STAMBPL1: variants seen among roughly 807,000 people sequenced by gnomAD.
STAMBPL1 encodes the protein AMSH-like protease.
STAMBPL1 carries 44 observed loss-of-function variants against 52.9 expected under a neutral mutation model. That is an observed-to-expected ratio of 0.83 (90% CI 0.65 to 1.07). STAMBPL1 has a LOEUF of 1.07. Ranked by LOEUF, STAMBPL1 falls within the 50% of genes least tolerant of loss-of-function variation. The pLI, the probability that STAMBPL1 is intolerant of heterozygous loss-of-function variation, is 0.00. For missense variants in STAMBPL1, 511 were observed against 520.8 expected, an observed-to-expected ratio of 0.98 and a Z score of 0.18; for synonymous variants, 164 against 177.3, an observed-to-expected ratio of 0.92 and a Z score of 0.60.
chr10:88,917,464 G>T (rs921164975), intron 8 of STAMBPL1, among the ~76,000 whole-genome samples: 8 of 152,018 alleles, frequency 5.3e-5, no homozygotes, highest in African/African-American at 1.9e-4. Flanking sequence ...TCTTGGCTCT[G>T]GTAAGAATTC....
At position 88,888,489 on chromosome 10, in the gene STAMBPL1, A is replaced by G. The variant is rs145639162; in HGVS notation, c.-54+7851A>G. Among the ~76,000 whole-genome samples the G allele has an allele frequency of 1.7e-3, 262 of 152,282 alleles. 1 individual carries two copies. Among genetic ancestry groups the G allele is most frequent in the African/African-American group, 6.0e-3 (250 of 41,552 alleles). On this transcript the variant is annotated intron_variant, in intron 1 of 10. Coordinates refer to ENST00000371926, the MANE Select transcript of STAMBPL1 (RefSeq NM_020799.4). Reference sequence around the variant, plus strand: ...TGGGGCCCAGAATTTGGCTGGACTGACTTTCAAGGGTTTATGCAGTAGGGT... The same window carrying G: ...TGGGGCCCAGAATTTGGCTGGACTGGCTTTCAAGGGTTTATGCAGTAGGGT...
intron 1 of STAMBPL1, among the ~76,000 whole-genome samples, chr10:88,886,320 A>G (rs773912882): frequency 6.6e-6 from 1 of 152,292 alleles, no homozygotes; most frequent in South Asian, 2.1e-4. Flanking sequence ...CCAGCATGCA[A>G]GTATAAAACA....
At chr10:88,903,715 A>T (rs1589365797) in intron 2 of STAMBPL1, among the ~76,000 whole-genome samples, 1 of 152,184 alleles carries the variant, frequency 6.6e-6, no homozygotes, top group Non-Finnish European at 1.5e-5. Context: ...AAGTGGATGG[A>T]TTGCTGTAGC....
At chr10:88,906,746 G>T (rs777161258) in intron 3 of STAMBPL1, among the ~76,000 whole-genome samples, 4 of 152,062 alleles carry the variant, frequency 2.6e-5, no homozygotes, top group Non-Finnish European at 5.9e-5. Flanking sequence ...GGGACTACAG[G>T]CATGTGTCAC....
chr10:88,910,316 G>A (rs1287934292), intron 4 of STAMBPL1, among the ~76,000 whole-genome samples: 1 of 152,096 alleles, frequency 6.6e-6, no homozygotes, highest in African/African-American at 2.4e-5. Flanking sequence ...AAAAAGAAGA[G>A]GTAGTTGGAC....
chr10:88,902,076 A>G (rs1203271303), intron 2 of STAMBPL1, among the ~76,000 whole-genome samples: 2 of 152,190 alleles, frequency 1.3e-5, no homozygotes, highest in Non-Finnish European at 2.9e-5. Flanking sequence ...TTTATGGATA[A>G]GAATTGGAGG....
At chr10:88,886,045 T>C (rs544647081) in intron 1 of STAMBPL1, among the ~76,000 whole-genome samples, 87 of 152,360 alleles carry the variant, frequency 5.7e-4, no homozygotes, top group African/African-American at 2.0e-3. Context: ...ATATGTGTTG[T>C]GTATGTCAAC....
chr10:88,892,756 A>G (rs932774817), intron 1 of STAMBPL1, among the ~76,000 whole-genome samples: 9 of 152,218 alleles, frequency 5.9e-5, no homozygotes, highest in African/African-American at 2.2e-4. Context: ...AGTGGATGAC[A>G]AGTACTTCAG....
intron 1 of STAMBPL1, among the ~76,000 whole-genome samples, chr10:88,884,544 A>G (rs1844482440): frequency 1.3e-5 from 2 of 152,192 alleles, no homozygotes; most frequent in Admixed American, 1.3e-4. Flanking sequence ...ATTGAGATGG[A>G]GAAAAGAAAA....
At position 88,920,767 on chromosome 10, in the gene STAMBPL1, A is replaced by G. The variant is rs141309712; in HGVS notation, c.1042-516A>G. 7.5e-3 allele frequency among the ~76,000 whole-genome samples: 1,147 copies of G among 152,244 alleles called. 15 individuals carry two copies. Among genetic ancestry groups the G allele is most frequent in the South Asian group, 0.042 (204 of 4,818 alleles). ...ATTCTCCCATTTATAGGAAATGACAATCCACAAAAGGATACACAGCAGCAT... is the reference window on the plus strand; with the variant it reads ...ATTCTCCCATTTATAGGAAATGACAGTCCACAAAAGGATACACAGCAGCAT... On this transcript the variant is annotated intron_variant, in intron 8 of 10. Coordinates refer to ENST00000371926, the MANE Select transcript of STAMBPL1 (RefSeq NM_020799.4).
At chr10:88,885,561 C>T (rs186514287) in intron 1 of STAMBPL1, among the ~76,000 whole-genome samples, 65 of 152,216 alleles carry the variant, frequency 4.3e-4, no homozygotes, top group Middle Eastern at 3.4e-3. Context: ...CTGGGGCAAG[C>T]TTTAGTATTC....
chr10:88,918,997 A>C (rs1845439600), intron 8 of STAMBPL1, among the ~76,000 whole-genome samples: 1 of 152,206 alleles, frequency 6.6e-6, no homozygotes, highest in African/African-American at 2.4e-5. Flanking sequence ...AAATACAAAA[A>C]TGTTACATTT....
intron 1 of STAMBPL1, among the ~76,000 whole-genome samples, chr10:88,896,099 G>A (rs56268252): frequency 0.095 from 14,446 of 152,092 alleles, 921 homozygotes; most frequent in Non-Finnish European, 0.15. Flanking sequence ...TACAAATATA[G>A]GGAAAAAATC....
Position 88,910,838 on chromosome 10 carries a change from G to T in STAMBPL1, c.325-78G>T, listed in dbSNP as rs572533424. The T allele has an allele frequency of 3.0e-3, 3,109 of 1,031,836 alleles. 8 individuals carry two copies. The highest frequency in any genetic ancestry group is 3.7e-3 in the Non-Finnish European group (2,669 of 716,528). 63.9% of individuals were successfully genotyped at this position (1,031,836 alleles called of 1,614,324 possible). ...TTTATTTGCAGTATACCTACCAGCT[G>T]TTTTTCTTTCTCACCTGATGATCTG... On this transcript the variant is annotated intron_variant, in intron 4 of 10. Transcript: ENST00000371926.
Position 88,905,666 on chromosome 10 carries a change from T to G in STAMBPL1, c.248+6T>G, listed in dbSNP as rs777074490. 1.9e-6 allele frequency: 3 copies of G among 1,607,754 alleles called. No homozygotes were observed. Among genetic ancestry groups the G allele is most frequent in the Non-Finnish European group, 2.6e-6 (3 of 1,174,844 alleles). On this transcript the variant is annotated splice_donor_region_variant and intron_variant, in intron 3 of 10. Coordinates refer to ENST00000371926, the MANE Select transcript of STAMBPL1 (RefSeq NM_020799.4). ...CTTTATAATAAATTTATAACGTAAG[T>G]GTTTTAAAGGCCTCTGAAGTGAGAA...
intron 5 of STAMBPL1, chr10:88,912,311 A>C (rs959915910): frequency 1.3e-5 from 2 of 152,170 alleles, no homozygotes; most frequent in Admixed American, 1.3e-4. Context: ...GTAGCTCCCA[A>C]ATCTAGTTTC....
At chr10:88,891,412 G>A (rs1020789571) in intron 1 of STAMBPL1, among the ~76,000 whole-genome samples, 1 of 151,972 alleles carries the variant, frequency 6.6e-6, no homozygotes, top group African/African-American at 2.4e-5. Context: ...ATAGAAAAAT[G>A]GCCACTTTCA....
At chr10:88,898,617 A>G (rs953106324) in intron 1 of STAMBPL1, among the ~76,000 whole-genome samples, 21 of 152,308 alleles carry the variant, frequency 1.4e-4, no homozygotes, top group Non-Finnish European at 2.5e-4. Context: ...TGAATTATTA[A>G]TATATTCATA....
intron 1 of STAMBPL1, among the ~76,000 whole-genome samples, chr10:88,886,925 C>T (rs1475452122): frequency 1.3e-5 from 2 of 152,206 alleles, no homozygotes; most frequent in Non-Finnish European, 2.9e-5. Flanking sequence ...CCCTGTGATT[C>T]TATTTATCCT....
Sources: gnomAD v4.1 joint callset for allele counts (sites outside exome capture counted in the v4.1 genomes callset) on GRCh38, gnomAD v4.1.1 for gene constraint, MANE v1.5 for transcripts, NCBI Gene and HGNC (gene_info 2026-07-23, HGNC 2026-07-21) for gene names.